TNS3: variants seen among roughly 807,000 people sequenced by gnomAD.
TNS3 encodes tensin-3.
A neutral mutation model predicts 140.9 loss-of-function variants in TNS3; 45 were observed. The observed-to-expected ratio is 0.32, with a 90% CI of 0.25 to 0.41. TNS3 has a LOEUF of 0.41. Ranked by LOEUF, TNS3 falls within the 10% of genes least tolerant of loss-of-function variation. The probability of loss-of-function intolerance (pLI) is 1.00; values close to 1 mark genes in which losing one functional copy is unlikely to be tolerated. For synonymous variants in TNS3, 815 were observed against 788.4 expected, an observed-to-expected ratio of 1.03 and a Z score of -0.56; for missense variants, 1,716 against 1,906.7, an observed-to-expected ratio of 0.90 and a Z score of 1.86.
chr7:47,578,556 G>A (rs540109815), intron 1 of TNS3, among the ~76,000 whole-genome samples: 5 of 149,556 alleles, frequency 3.3e-5, no homozygotes, highest in South Asian at 2.1e-4. Flanking sequence ...TGGGGCAGGG[G>A]GTTGGGGGGG....
intron 1 of TNS3, among the ~76,000 whole-genome samples, chr7:47,563,145 GC>G (rs1188455410): frequency 1.3e-5 from 2 of 152,238 alleles, no homozygotes; most frequent in Non-Finnish European, 2.9e-5. Context: ...AGTGAGTGAG[GC>G]AGATGGAGTG....
chr7:47,411,870 G>T, intron 12 of TNS3, 68 bp from the exon 13 acceptor site: 1 of 1,472,910 alleles, frequency 6.8e-7, no homozygotes, highest in Non-Finnish European at 9.3e-7. Context: ...TACATGTAGA[G>T]AAAAGCAACC....
At chr7:47,536,590 T>G (rs530436108) in intron 1 of TNS3, among the ~76,000 whole-genome samples, 1 of 152,256 alleles carries the variant, frequency 6.6e-6, no homozygotes, top group Non-Finnish European at 1.5e-5. Flanking sequence ...CCAATTCCAT[T>G]GCAGGGAAAT....
At chr7:47,555,742 G>A (rs1436852411) in intron 1 of TNS3, among the ~76,000 whole-genome samples, 1 of 152,208 alleles carries the variant, frequency 6.6e-6, no homozygotes, top group Non-Finnish European at 1.5e-5. Context: ...TAGCAATAAC[G>A]CATTTTTAAA....
intron 17 of TNS3, among the ~76,000 whole-genome samples, chr7:47,356,166 G>A (rs1206007678): frequency 6.6e-6 from 1 of 152,216 alleles, no homozygotes; most frequent in African/African-American, 2.4e-5. Flanking sequence ...AGCTCTCCTG[G>A]AGGCTGGGAC....
intron 2 of TNS3, among the ~76,000 whole-genome samples, chr7:47,522,234 C>T (rs931256165): frequency 2.0e-5 from 3 of 152,228 alleles, no homozygotes; most frequent in Non-Finnish European, 4.4e-5. Flanking sequence ...CTCTGTGCAT[C>T]AGCAGCCTTT....
At chr7:47,425,956 T>A (rs1230667517) in intron 9 of TNS3, among the ~76,000 whole-genome samples, 1 of 151,982 alleles carries the variant, frequency 6.6e-6, no homozygotes, top group Non-Finnish European at 1.5e-5. Context: ...CAAAAATATA[T>A]GTATAAGAAT....
intron 23 of TNS3, 63 bp downstream of exon 23, chr7:47,302,123 C>T (rs1459013341): frequency 1.4e-6 from 2 of 1,411,564 alleles, no homozygotes; most frequent in Middle Eastern, 1.8e-4. Context: ...CCCATCTTCA[C>T]ACAAGGCAGC....
chr7:47,504,196 A>G (rs1798329755), intron 3 of TNS3, among the ~76,000 whole-genome samples: 1 of 152,210 alleles, frequency 6.6e-6, no homozygotes, highest in African/African-American at 2.4e-5. Flanking sequence ...AGAGAGTGAT[A>G]GCAGTCTTTT....
At chr7:47,315,332 C>T (rs1232844715) in intron 20 of TNS3, among the ~76,000 whole-genome samples, 3 of 152,192 alleles carry the variant, frequency 2.0e-5, no homozygotes, top group South Asian at 2.1e-4. Context: ...GTGAGGTGGC[C>T]GGGAAGGCTG....
intron 1 of TNS3, among the ~76,000 whole-genome samples, chr7:47,530,838 A>AAAAATATATATATATATATATATATATAT: frequency 1.8e-5 from 1 of 54,560 alleles, no homozygotes. Context: ...AAAAAAAAAA[A>AAAAATATATATATATATATATATATATAT]ATATATATAT....
intron 17 of TNS3, among the ~76,000 whole-genome samples, chr7:47,364,277 A>ATTTTTTTTT (rs10566032): frequency 9.0e-6 from 1 of 110,642 alleles, no homozygotes. Flanking sequence ...GTAAGCAATA[A>ATTTTTTTTT]TTTTTTTTTT....
intron 1 of TNS3, among the ~76,000 whole-genome samples, chr7:47,540,637 T>C (rs1799758799): frequency 6.6e-6 from 1 of 152,068 alleles, no homozygotes; most frequent in South Asian, 2.1e-4. Flanking sequence ...CACGCAGTGT[T>C]AGGAGGGGGC....
chr7:47,431,878 A>G (rs1794946020), intron 8 of TNS3, among the ~76,000 whole-genome samples: 1 of 152,214 alleles, frequency 6.6e-6, no homozygotes, highest in Non-Finnish European at 1.5e-5. Context: ...AGAAACATAA[A>G]AAACTATGAA....
intron 3 of TNS3, among the ~76,000 whole-genome samples, chr7:47,502,167 G>A (rs1470601333): frequency 2.6e-5 from 4 of 152,148 alleles, no homozygotes; most frequent in African/African-American, 9.7e-5. Context: ...GTGACAATAG[G>A]TAAGTTGTTT....
At chr7:47,485,242 AC>A (rs1383876455) in intron 3 of TNS3, among the ~76,000 whole-genome samples, 4 of 152,228 alleles carry the variant, frequency 2.6e-5, no homozygotes, top group Non-Finnish European at 5.9e-5. Flanking sequence ...GTGTCAAGGC[AC>A]ACTCCTGGGG....
intron 13 of TNS3, among the ~76,000 whole-genome samples, chr7:47,409,319 C>T (rs1014431479): frequency 2.0e-5 from 3 of 148,424 alleles, no homozygotes; most frequent in Non-Finnish European, 4.4e-5. Context: ...CATAAACAGC[C>T]CAGGGGAGAG....
intron 28 of TNS3, among the ~76,000 whole-genome samples, chr7:47,280,925 G>A (rs929207105): frequency 4.7e-5 from 7 of 150,150 alleles, no homozygotes; most frequent in Non-Finnish European, 7.4e-5. Flanking sequence ...AAAAAAAAAA[G>A]CCCTAACAAA....
At chr7:47,556,977 G>A in intron 1 of TNS3, 1 of 454,694 alleles carries the variant, frequency 2.2e-6, no homozygotes, top group South Asian at 1.6e-5. Context: ...CTGCCACCAA[G>A]CCATGCCCCC....
Sources: allele counts gnomAD v4.1 joint callset (sites outside exome capture counted in the v4.1 genomes callset), GRCh38; gene constraint gnomAD v4.1.1; transcripts MANE v1.5; gene names NCBI Gene and HGNC (gene_info 2026-07-23, HGNC 2026-07-21).